GNL3: variants seen among roughly 807,000 people sequenced by gnomAD.
GNL3 encodes the protein G protein nucleolar 3, also known as guanine nucleotide-binding protein-like 3.
GNL3 carries 77 observed loss-of-function variants against 70.6 expected under a neutral mutation model. The observed-to-expected ratio is 1.09, with a 90% CI of 0.91 to 1.32. The LOEUF (loss-of-function observed/expected upper bound fraction) is 1.32, where lower values mean the gene tolerates loss of function less well. GNL3 is among the 40% of genes most tolerant of loss of function. The probability of loss-of-function intolerance (pLI) is 0.00; values close to 1 mark genes in which losing one functional copy is unlikely to be tolerated. For synonymous variants in GNL3, 252 were observed against 216.1 expected, an observed-to-expected ratio of 1.17 and a Z score of -1.46; for missense variants, 634 against 644.0, an observed-to-expected ratio of 0.98 and a Z score of 0.17.
rs1161726657 is a variant in GNL3, at chr3:52,687,625, G to T, written c.324+10G>T. On this transcript the variant is annotated intron_variant, in intron 4 of 14. Transcript: ENST00000418458. Reference sequence around the variant, plus strand: ...GGAACCTATGGAAAAGGTATGATTAGGTCTCTTTATGAATGAGAGATCAGG... The same window carrying T: ...GGAACCTATGGAAAAGGTATGATTATGTCTCTTTATGAATGAGAGATCAGG... 1.3e-6 allele frequency: 2 copies of T among 1,505,290 alleles called. No individual in the cohort carries two copies. The highest frequency in any genetic ancestry group is 2.8e-5 in the African/African-American group (2 of 72,676). 93.2% of individuals were successfully genotyped at this position (1,505,290 alleles called of 1,614,324 possible).
In GNL3 at chr3:52,694,051, C is replaced by G; in HGVS notation, c.1515C>G (p.Gly505=). The change falls in exon 14 of 15, where the codon GGC becomes GGG. Residue 505 remains glycine, a synonymous_variant. Coordinates refer to ENST00000418458, the MANE Select transcript of GNL3 (RefSeq NM_014366.5). Reference sequence around the variant, plus strand: ...TTGTCACACAGGAAAACAGCTCAGGCATGTTTGCTGCAGAAGAGACAGGGG... The same window carrying G: ...TTGTCACACAGGAAAACAGCTCAGGGATGTTTGCTGCAGAAGAGACAGGGG... The part of the protein sequence containing the change: ...VDEEVDENSS[G]MFAAEETGEA... 6.2e-7 allele frequency: 1 copy of G among 1,613,630 alleles called. No homozygotes were observed. Among genetic ancestry groups the G allele is most frequent in the Non-Finnish European group, 8.5e-7 (1 of 1,179,536 alleles).
chr3:52,694,232 T>C lies in GNL3; in HGVS notation c.1607T>C (p.Ile536Thr), dbSNP rs757123509. The C allele has an allele frequency of 3.0e-5, 48 of 1,592,418 alleles. No individual in the cohort carries two copies. The highest frequency in any genetic ancestry group is 3.6e-5 in the Non-Finnish European group (42 of 1,161,698). ...STRSFILDKI[I>T]EEDDAYDFST... ...AGGTCTTTTATCTTGGATAAAATCA[T>C]TGAAGAGGATGATGCTTATGACTTC... Residue 536 changes from isoleucine (I) to threonine (T), a missense_variant, in exon 15 of 15, where the codon ATT becomes ACT. Ile to Thr is a moderately conservative substitution (Grantham distance 89). Transcript: ENST00000418458.
intron 9 of GNL3, 193 bp from the exon 10 acceptor site, chr3:52,692,679 C>T (rs6762813): frequency 0.37 from 277,237 of 740,842 alleles, 55,477 homozygotes; most frequent in Admixed American, 0.5. Flanking sequence ...AATATATAAG[C>T]TATAACATGT....
chr3:52,694,269 T>A lies in GNL3; in HGVS notation c.1644T>A (p.Tyr548Ter). 6.7e-7 allele frequency: 1 copy of A among 1,498,790 alleles called. No individual in the cohort carries two copies. Among genetic ancestry groups the A allele is most frequent in the Non-Finnish European group, 9.2e-7 (1 of 1,082,016 alleles). The allele number at this position is 1,498,790 out of a possible 1,614,324, so 92.8% of individuals were successfully genotyped here. ...ATGCTTATGACTTCAGTACAGATTA[T>A]GTGTAACAGAACAATGGCTTTTTAT... The part of the protein sequence containing the change: ...EDDAYDFSTD[Y>*]V The change falls in exon 15 of 15, where the codon TAT becomes TAA. Residue 548 changes from tyrosine to a stop codon, truncating the protein, a stop_gained. Transcript: ENST00000418458. LOFTEE classifies it high-confidence loss of function.
chr3:52,691,385 G>T (rs1211777871), intron 8 of GNL3, 157 bp from the exon 9 acceptor site: 3 of 645,822 alleles, frequency 4.6e-6, no homozygotes, highest in Non-Finnish European at 8.3e-6. Context: ...TGCAAGAAAT[G>T]AAGAAACTAA....
intron 4 of GNL3, 159 bp from the exon 5 acceptor site, chr3:52,687,950 C>A (rs2097323808): frequency 1.1e-5 from 7 of 637,354 alleles, no homozygotes; most frequent in Non-Finnish European, 2.0e-5. Flanking sequence ...AAAGCACATC[C>A]ACAGGCTGCT....
Position 52,686,075 on chromosome 3 carries a change from C to T in GNL3, c.-18C>T, listed in dbSNP as rs745722348. The T allele has an allele frequency of 2.5e-6, 3 of 1,186,642 alleles. No homozygotes were observed. Among genetic ancestry groups the T allele is most frequent in the Admixed American group, 1.7e-5 (1 of 59,486 alleles). The allele number at this position is 1,186,642 out of a possible 1,614,324, so 73.5% of individuals were successfully genotyped here. On this transcript the variant is annotated 5_prime_UTR_variant, in exon 1 of 15. Transcript: ENST00000418458. Reference sequence around the variant, plus strand: ...GCGGAGGCAGGTTGATGTGTTTGTGCTTCCTTCTACAGCCAATATGAAAAG... The same window carrying T: ...GCGGAGGCAGGTTGATGTGTTTGTGTTTCCTTCTACAGCCAATATGAAAAG...
intron 1 of GNL3, 99 bp downstream of exon 1, chr3:52,686,204 T>G (rs1173367230): frequency 1.5e-6 from 2 of 1,349,254 alleles, no homozygotes; most frequent in Non-Finnish European, 2.1e-6. Context: ...TCTCTGCTGG[T>G]ATGGGGGTGG....
intron 4 of GNL3, 106 bp downstream of exon 4, chr3:52,687,721 CACCCA>C: frequency 1.5e-6 from 1 of 673,306 alleles, no homozygotes; most frequent in South Asian, 1.9e-5. Flanking sequence ...CAACCTGGAC[CACCCA>C]GGCTCAAGCA....
chr3:52,690,523 A>C, intron 6 of GNL3, 69 bp from the exon 7 acceptor site: 1 of 844,766 alleles, frequency 1.2e-6, no homozygotes. Flanking sequence ...TCGGCCTCCC[A>C]AAGTGCTGGG....
At chr3:52,691,755 G>A in intron 9 of GNL3, 126 bp downstream of exon 9, 1 of 619,090 alleles carries the variant, frequency 1.6e-6, no homozygotes, top group South Asian at 1.8e-5. Context: ...CAGGCTGGAG[G>A]GCAATGGCGC....
At position 52,694,464 on chromosome 3, in the gene GNL3, T is replaced by C. The variant is rs2154099865; in HGVS notation, c.*189T>C. The C allele has an allele frequency of 6.9e-6, 4 of 581,242 alleles. No individual in the cohort carries two copies. In the South Asian group the frequency reaches 9.1e-5, roughly 13 times the overall value. 36.0% of individuals were successfully genotyped at this position (581,242 alleles called of 1,614,324 possible). A position where few individuals can be genotyped will look rare whatever the true frequency, so the allele number is the denominator to read the frequency against. ...ATCTCATTGTGAGTGGAAGTAGTTA[T>C]CTGGAATAAAAAAAGAAGATACCTA... On this transcript the variant is annotated 3_prime_UTR_variant, in exon 15 of 15. Transcript: ENST00000418458.
At position 52,691,771 on chromosome 3, in the gene GNL3, C is replaced by T. The variant is rs546131416; in HGVS notation, c.869+142C>T. 2.1e-4 allele frequency: 127 copies of T among 603,222 alleles called. No individual in the cohort carries two copies. The African/African-American group carries it at 2.1e-3, about 10-fold the overall frequency. The allele number at this position is 603,222 out of a possible 1,614,324, so 37.4% of individuals were successfully genotyped here. A position where few individuals can be genotyped will look rare whatever the true frequency, so the allele number is the denominator to read the frequency against. ...AGGCTGGAGGGCAATGGCGCAATCTCGGCTCACTGCAACCTCCACCTCTCA... is the reference window on the plus strand; with the variant it reads ...AGGCTGGAGGGCAATGGCGCAATCTTGGCTCACTGCAACCTCCACCTCTCA... On this transcript the variant is annotated intron_variant, in intron 9 of 14. Coordinates refer to ENST00000418458, the MANE Select transcript of GNL3 (RefSeq NM_014366.5).
intron 1 of GNL3, 51 bp downstream of exon 1, chr3:52,686,156 T>C: frequency 1.3e-6 from 2 of 1,587,688 alleles, no homozygotes; most frequent in Non-Finnish European, 1.7e-6. Flanking sequence ...TGGAAGTTGC[T>C]GCAGCCACCA....
At chr3:52,690,853 CTT>C in intron 7 of GNL3, 90 bp from the exon 8 acceptor site, 1 of 1,345,196 alleles carries the variant, frequency 7.4e-7, no homozygotes, top group Non-Finnish European at 1.1e-6. Context: ...ATGTAGTTAT[CTT>C]AAGAGCTGGG....
Position 52,693,186 on chromosome 3 carries a change from GGTA to G in GNL3, c.1048_1050del (p.Val350del). ...CTCCTTTGTTTGGTTTTTTTTTTAA[GGTA>G]GTACTGAAATATACTGTCCCAGGCT... On this transcript the variant is annotated inframe_deletion and splice_region_variant, in exon 11 of 15. Coordinates refer to ENST00000418458, the MANE Select transcript of GNL3 (RefSeq NM_014366.5). 1.3e-6 allele frequency: 2 copies of G among 1,597,796 alleles called. No individual in the cohort carries two copies. The highest frequency in any genetic ancestry group is 2.3e-5 in the South Asian group (2 of 87,488).
intron 1 of GNL3, chr3:52,686,446 C>T: frequency 1.8e-6 from 1 of 570,438 alleles, no homozygotes; most frequent in Non-Finnish European, 3.1e-6. Context: ...AGAATCGCCT[C>T]CCAGACTCAG....
At chr3:52,685,931 G>T, upstream of GNL3, 2 of 684,660 alleles carry the variant, frequency 2.9e-6, no homozygotes, top group South Asian at 3.1e-5. Flanking sequence ...CGGCCGCCAA[G>T]CGATCCCTGC....
chr3:52,691,280 G>T (rs942550700), intron 8 of GNL3: 8 of 611,604 alleles, frequency 1.3e-5, no homozygotes, highest in Non-Finnish European at 2.0e-5. Context: ...GCCAGATTCA[G>T]GTTTTTTGTT....
Sources: allele counts gnomAD v4.1 joint callset, GRCh38; gene constraint gnomAD v4.1.1; transcripts MANE v1.5; gene names NCBI Gene and HGNC (gene_info 2026-07-23, HGNC 2026-07-21).